LPA: variants seen among roughly 807,000 people sequenced by gnomAD.
LPA encodes the protein apolipoprotein(a).
In LPA, 199 loss-of-function variants were observed where a neutral mutation model predicts 197.9. The ratio of observed to expected loss-of-function variants is 1.01; its 90% CI spans 0.90 to 1.13. The LOEUF is 1.13. Ranked by LOEUF, LPA falls within the 50% of genes most tolerant of loss-of-function variation. The pLI is 0.00. For synonymous variants in LPA, 715 were observed against 639.5 expected, an observed-to-expected ratio of 1.12 and a Z score of -1.78; for missense variants, 1,853 against 1,785.8, an observed-to-expected ratio of 1.04 and a Z score of -0.68.
Position 160,548,011 on chromosome 6 carries a change from A to G in LPA, c.5156-74T>C, listed in dbSNP as rs1301878978. 2.0e-6 allele frequency: 3 copies of G among 1,494,830 alleles called. No homozygotes were observed. In the Admixed American group the frequency reaches 5.0e-5, roughly 25 times the overall value. 92.6% of individuals were successfully genotyped at this position (1,494,830 alleles called of 1,614,324 possible). The stretch of plus-strand genomic sequence containing the variant: ...GCCACATAGACCCAGGACGATACAG[A>G]ATCAATGCAGTCATGTCAGGCTTCT... On this transcript the variant is annotated intron_variant, in intron 31 of 38. Transcript: ENST00000316300.
intron 36 of LPA, among the ~76,000 whole-genome samples, chr6:160,538,592 C>T (rs1777928442): frequency 6.6e-6 from 1 of 152,152 alleles, no homozygotes; most frequent in Non-Finnish European, 1.5e-5. Context: ...GTTTTTAGAC[C>T]TGATTCTACT....
intron 26 of LPA, among the ~76,000 whole-genome samples, chr6:160,583,514 C>A (rs921533989): frequency 1.3e-4 from 20 of 152,142 alleles, no homozygotes; most frequent in African/African-American, 4.8e-4. Context: ...TCAGGCTGGT[C>A]AGAGCTCAAA....
At chr6:160,580,315 G>A (rs1014239571) in intron 26 of LPA, among the ~76,000 whole-genome samples, 3 of 151,148 alleles carry the variant, frequency 2.0e-5, no homozygotes, top group African/African-American at 7.4e-5. Flanking sequence ...TTCTTTTGAT[G>A]AAAACATTGA....
chr6:160,557,024 A>G (rs755794349), intron 29 of LPA, among the ~76,000 whole-genome samples: 1 of 152,180 alleles, frequency 6.6e-6, no homozygotes, highest in Non-Finnish European at 1.5e-5. Flanking sequence ...AGCAACTGCA[A>G]TGCTGAAGAT....
chr6:160,564,952 C>G (rs1778425035), intron 28 of LPA, among the ~76,000 whole-genome samples: 1 of 152,164 alleles, frequency 6.6e-6, no homozygotes, highest in East Asian at 1.9e-4. Context: ...GACCGAACTG[C>G]AAGGCGGCAG....
chr6:160,595,605 A>C (rs1779117544), intron 20 of LPA, 70 bp from the exon 21 acceptor site: 2 of 1,608,454 alleles, frequency 1.2e-6, no homozygotes, highest in Non-Finnish European at 1.7e-6. Flanking sequence ...CGCCCTCTAC[A>C]TTTTGCTGTA....
At position 160,585,129 on chromosome 6, in the gene LPA, G is replaced by A. The variant is rs751717117; in HGVS notation, c.4206C>T (p.Thr1402=). ...DGQSYRGTLS[T]TITGRTCQSW... The stretch of plus-strand genomic sequence containing the variant: ...ACTGACATGTTCTTCCTGTGATAGT[G>A]GTGGAGAGTGTGCCTCGATAACTCT... The change falls in exon 26 of 39, where the codon ACC becomes ACT. Residue 1402 remains threonine, a synonymous_variant. Transcript: ENST00000316300. 1 of 1,613,860 alleles carries A rather than the reference G, an allele frequency of 6.2e-7. No individual in the cohort carries two copies. The highest frequency in any genetic ancestry group is 8.5e-7 in the Non-Finnish European group (1 of 1,179,812).
At chr6:160,593,671 G>A (rs1393992519) in intron 22 of LPA, among the ~76,000 whole-genome samples, 1 of 152,142 alleles carries the variant, frequency 6.6e-6, no homozygotes, top group African/African-American at 2.4e-5. Context: ...TGGGCATTGT[G>A]GAATGGTGCT....
chr6:160,583,898 G>T (rs1207136869), intron 26 of LPA, among the ~76,000 whole-genome samples: 1 of 152,102 alleles, frequency 6.6e-6, no homozygotes, highest in Non-Finnish European at 1.5e-5. Flanking sequence ...AACTATCTCA[G>T]GTTGTACTGT....
At chr6:160,663,334 A>C (rs1187394962) in intron 1 of LPA, among the ~76,000 whole-genome samples, 1 of 152,220 alleles carries the variant, frequency 6.6e-6, no homozygotes, top group Non-Finnish European at 1.5e-5. Context: ...TTTTCTTGGA[A>C]ATCTGGCTTA....
At chr6:160,588,024 T>G (rs1249428196) in intron 24 of LPA, among the ~76,000 whole-genome samples, 1 of 149,254 alleles carries the variant, frequency 6.7e-6, no homozygotes, top group South Asian at 2.1e-4. Context: ...GGTCAGCTTT[T>G]GCTGACATTT....
intron 18 of LPA, among the ~76,000 whole-genome samples, chr6:160,604,053 C>G (rs117540984): frequency 3.3e-5 from 5 of 152,280 alleles, no homozygotes; most frequent in Admixed American, 2.0e-4. Flanking sequence ...TCTTGTGGAA[C>G]CTTTTTCTGG....
intron 19 of LPA, 70 bp downstream of exon 19, chr6:160,600,847 C>A: frequency 3.3e-6 from 5 of 1,529,308 alleles, no homozygotes; most frequent in Non-Finnish European, 4.5e-6. Context: ...AAGGGTTGTG[C>A]GTCAGTGGGG....
chr6:160,534,939 T>C (rs1454174023), intron 37 of LPA, among the ~76,000 whole-genome samples: 1 of 150,400 alleles, frequency 6.6e-6, no homozygotes, highest in Non-Finnish European at 1.5e-5. Flanking sequence ...GTGTTAATGA[T>C]GGTGATGGTG....
Position 160,664,182 on chromosome 6 carries a change from A to C in LPA, c.33T>G (p.Leu11=). 1 of 1,605,970 alleles carries C rather than the reference A, an allele frequency of 6.2e-7. No individual in the cohort carries two copies. The change falls in exon 1 of 39, where the codon CTT becomes CTG. Residue 11 remains leucine, a synonymous_variant. Transcript: ENST00000316300. ...ATGTCTTACCTGATTTCAGAAATAA[A>C]AGAAGTAGAAGAACCACTTCCTTAT... MEHKEVVLLL[L]LFLKSAAPEQ... is the part of the protein sequence containing the mutation.
chr6:160,587,801 T>TGTGTGTTTCTG (rs1562333102), intron 24 of LPA, among the ~76,000 whole-genome samples: 2,751 of 79,246 alleles, frequency 0.035, 35 homozygotes, highest in Non-Finnish European at 0.047. Context: ...GTGTGTGTGT[T>TGTGTGTTTCTG]TCTGTCTGTT....
At position 160,561,704 on chromosome 6, in the gene LPA, A is replaced by G. The variant is rs528946129; in HGVS notation, c.4632-4133T>C. On this transcript the variant is annotated intron_variant, in intron 28 of 38. Transcript: ENST00000316300. Reference sequence around the variant, plus strand: ...ATATTGATTCTTCCAATCCATTAGCATGGAATGTTTTTCCATTTGTTTGTG... The same window carrying G: ...ATATTGATTCTTCCAATCCATTAGCGTGGAATGTTTTTCCATTTGTTTGTG... 1.1e-4 allele frequency among the ~76,000 whole-genome samples: 16 copies of G among 152,344 alleles called. No individual in the cohort carries two copies. The South Asian group carries it at 3.1e-3, about 30-fold the overall frequency.
Position 160,586,520 on chromosome 6 carries a change from A to C in LPA, c.4058T>G (p.Val1353Gly). The C allele has an allele frequency of 6.2e-7, 1 of 1,613,818 alleles. No homozygotes were observed. The highest frequency in any genetic ancestry group is 8.5e-7 in the Non-Finnish European group (1 of 1,179,780). The change falls in exon 25 of 39, where the codon GTG (valine) becomes GGG (glycine). Residue 1353 changes from valine to glycine, a missense_variant. Physicochemically the swap from Val to Gly is moderately radical, Grantham distance 109. Transcript: ENST00000316300. ...AGTTGTGAGGAGAGTTGATTCCATCACTGGACATTGCGTCAGGTTGCAGTA... is the reference window on the plus strand; with the variant it reads ...AGTTGTGAGGAGAGTTGATTCCATCCCTGGACATTGCGTCAGGTTGCAGTA... ...WEYCNLTQCP[V>G]MESTLLTTPT...
chr6:160,534,606 T>G (rs1777857484), intron 37 of LPA, among the ~76,000 whole-genome samples: 1 of 152,186 alleles, frequency 6.6e-6, no homozygotes, highest in South Asian at 2.1e-4. Flanking sequence ...GGGGAGAATT[T>G]TGACCTCCTT....
Sources: allele counts gnomAD v4.1 joint callset (sites outside exome capture counted in the v4.1 genomes callset), GRCh38; gene constraint gnomAD v4.1.1; transcripts MANE v1.5; gene names NCBI Gene and HGNC (gene_info 2026-07-23, HGNC 2026-07-21).